Variants in CHRM2 observed in about 807,000 individuals in gnomAD.
The protein encoded by CHRM2 is muscarinic acetylcholine receptor M2.
A neutral mutation model predicts 25.0 loss-of-function variants in CHRM2; 8 were observed. That is an observed-to-expected ratio of 0.32 (90% CI 0.19 to 0.58). The LOEUF is 0.58. CHRM2 is among the 20% of genes least tolerant of loss of function. The probability of loss-of-function intolerance (pLI) is 0.88; values close to 1 mark genes in which losing one functional copy is unlikely to be tolerated. For synonymous variants in CHRM2, 202 were observed against 205.7 expected (o/e 0.98, Z 0.15); for missense variants, 440 against 567.1 (o/e 0.78, Z 2.28).
chr7:136,897,085 G>T (rs540568753), intron 2 of CHRM2, among the ~76,000 whole-genome samples: 44 of 150,398 alleles, frequency 2.9e-4, no homozygotes, highest in African/African-American at 1.0e-3. Context: ...GAATGTATTG[G>T]TCTGGTTGGT....
intron 2 of CHRM2, among the ~76,000 whole-genome samples, chr7:136,991,406 A>G (rs1427059472): frequency 1.3e-5 from 2 of 152,016 alleles, no homozygotes; most frequent in African/African-American, 4.8e-5. Flanking sequence ...GCTCCATTGT[A>G]TTGCCTATGC....
At position 136,913,144 on chromosome 7, in the gene CHRM2, T is replaced by C. The variant is rs748748782; in HGVS notation, c.-125+43726T>C. Among the ~76,000 whole-genome samples the C allele has an allele frequency of 2.3e-4, 35 of 151,960 alleles. 1 individual carries two copies. The highest frequency in any genetic ancestry group is 4.1e-4 in the Non-Finnish European group (28 of 67,922). On this transcript the variant is annotated intron_variant, in intron 2 of 3. Transcript: ENST00000680005. ...AAGCTCCTGACAAACTGTATAACAA[T>C]TGAGTATTAAATACCTATCCAAATG...
intron 2 of CHRM2, among the ~76,000 whole-genome samples, chr7:136,960,944 G>C (rs1030749291): frequency 2.0e-5 from 3 of 152,052 alleles, no homozygotes; most frequent in Non-Finnish European, 4.4e-5. Flanking sequence ...TGGCCAACAG[G>C]GTGAAACCCC....
At chr7:136,956,489 C>A (rs1291725707) in intron 2 of CHRM2, among the ~76,000 whole-genome samples, 1 of 152,010 alleles carries the variant, frequency 6.6e-6, no homozygotes, top group Non-Finnish European at 1.5e-5. Flanking sequence ...TGAAAATAGA[C>A]CTGGTTTTTG....
At chr7:136,967,007 T>C (rs956851234) in intron 2 of CHRM2, among the ~76,000 whole-genome samples, 1 of 152,050 alleles carries the variant, frequency 6.6e-6, no homozygotes, top group South Asian at 2.1e-4. Flanking sequence ...TAGGGACATA[T>C]TGAAAAATAG....
At chr7:136,917,635 G>A (rs1798196314) in intron 2 of CHRM2, among the ~76,000 whole-genome samples, 1 of 152,024 alleles carries the variant, frequency 6.6e-6, no homozygotes, top group East Asian at 1.9e-4. Flanking sequence ...TTTCACCAGC[G>A]CTAATGTACA....
chr7:136,883,067 AAGG>A (rs1481172740), intron 2 of CHRM2, among the ~76,000 whole-genome samples: 1 of 152,134 alleles, frequency 6.6e-6, no homozygotes, highest in African/African-American at 2.4e-5. Context: ...TCAAAAGAGG[AAGG>A]AGAAGTACTA....
intron 2 of CHRM2, among the ~76,000 whole-genome samples, chr7:136,881,691 T>A (rs1199991707): frequency 6.6e-6 from 1 of 152,064 alleles, no homozygotes; most frequent in African/African-American, 2.4e-5. Flanking sequence ...TTCCTGTGAT[T>A]ATATCTTTTA....
intron 2 of CHRM2, among the ~76,000 whole-genome samples, chr7:136,957,911 A>T (rs1034224530): frequency 4.6e-5 from 7 of 152,254 alleles, no homozygotes; most frequent in Non-Finnish European, 1.0e-4. Context: ...AAGAATATCA[A>T]ACTGAAATTT....
At chr7:136,969,349 T>C (rs888329843) in intron 2 of CHRM2, among the ~76,000 whole-genome samples, 2 of 152,194 alleles carry the variant, frequency 1.3e-5, no homozygotes, top group African/African-American at 2.4e-5. Flanking sequence ...AAGTTTGCTC[T>C]TTTTAAAATT....
At chr7:136,943,998 G>A (rs1403968836) in intron 2 of CHRM2, among the ~76,000 whole-genome samples, 1 of 152,164 alleles carries the variant, frequency 6.6e-6, no homozygotes, top group Non-Finnish European at 1.5e-5. Context: ...CTCTGTGGCA[G>A]ATAGGACTCT....
intron 2 of CHRM2, among the ~76,000 whole-genome samples, chr7:136,917,800 T>C (rs993640395): frequency 6.6e-6 from 1 of 150,912 alleles, no homozygotes; most frequent in East Asian, 2.0e-4. Flanking sequence ...GATTGGCCAA[T>C]AGGCTTATTG....
intron 2 of CHRM2, among the ~76,000 whole-genome samples, chr7:136,930,105 A>C (rs1234186827): frequency 4.6e-5 from 7 of 152,006 alleles, no homozygotes; most frequent in South Asian, 2.1e-4. Context: ...AACAAAGAAG[A>C]AGCTCAATAA....
chr7:136,977,965 T>C (rs1256310709), intron 2 of CHRM2, among the ~76,000 whole-genome samples: 1 of 152,162 alleles, frequency 6.6e-6, no homozygotes, highest in Non-Finnish European at 1.5e-5. Context: ...GGCTAATCAG[T>C]TATGGTATTC....
At chr7:136,886,673 T>A (rs985362353) in intron 2 of CHRM2, among the ~76,000 whole-genome samples, 5 of 151,812 alleles carry the variant, frequency 3.3e-5, no homozygotes, top group African/African-American at 9.7e-5. Flanking sequence ...TCAAGACCAG[T>A]CTGGGCAACA....
intron 3 of CHRM2, among the ~76,000 whole-genome samples, chr7:137,014,080 T>C (rs1345136150): frequency 2.6e-5 from 4 of 152,048 alleles, no homozygotes; most frequent in Admixed American, 2.6e-4. Context: ...GAAATCTCTT[T>C]ATGCTTTGGA....
intron 2 of CHRM2, among the ~76,000 whole-genome samples, chr7:136,874,576 C>G (rs530565227): frequency 1.8e-4 from 26 of 144,326 alleles, no homozygotes; most frequent in African/African-American, 6.2e-4. Context: ...TGCCCCCCCT[C>G]TCTCCCCTCT....
chr7:136,985,378 C>G (rs1452213377), intron 2 of CHRM2, among the ~76,000 whole-genome samples: 1 of 151,744 alleles, frequency 6.6e-6, no homozygotes, highest in Non-Finnish European at 1.5e-5. Flanking sequence ...GGTGTGGTGG[C>G]ACATGCCTGT....
chr7:137,018,325 G>T lies in CHRM2; in HGVS notation c.*2059G>T, dbSNP rs1805281935. On this transcript the variant is annotated 3_prime_UTR_variant, in exon 4 of 4. Coordinates refer to ENST00000680005, the MANE Select transcript of CHRM2 (RefSeq NM_001006630.2). Reference sequence around the variant, plus strand: ...TAACTTCAGTCATTACCCCCCCAAAGTAATCTTCCATATTTAAAGCATTCA... The same window carrying T: ...TAACTTCAGTCATTACCCCCCCAAATTAATCTTCCATATTTAAAGCATTCA... The T allele has an allele frequency of 1.3e-5, 2 of 151,842 alleles. No homozygotes were observed. The highest frequency in any genetic ancestry group is 4.8e-5 in the African/African-American group (2 of 41,382). 9.4% of individuals were successfully genotyped at this position (151,842 alleles called of 1,614,324 possible).
Sources: gnomAD v4.1 joint callset for allele counts (sites outside exome capture counted in the v4.1 genomes callset) on GRCh38, gnomAD v4.1.1 for gene constraint, MANE v1.5 for transcripts, NCBI Gene and HGNC (gene_info 2026-07-23, HGNC 2026-07-21) for gene names.